ANKHD1: variants seen among roughly 807,000 people sequenced by gnomAD.
ANKHD1 encodes the protein ankyrin repeat and KH domain-containing protein 1.
A neutral mutation model predicts 230.5 loss-of-function variants in ANKHD1; 31 were observed. The ratio of observed to expected loss-of-function variants is 0.13; its 90% CI spans 0.10 to 0.18. The LOEUF (loss-of-function observed/expected upper bound fraction) is 0.18, where lower values mean the gene tolerates loss of function less well. ANKHD1 is among the 10% of genes least tolerant of loss of function. The pLI is 1.00. For missense variants in ANKHD1, 2,256 were observed against 3,071.3 expected (o/e 0.73, Z 6.27); for synonymous variants, 1,074 against 1,117.6 (o/e 0.96, Z 0.78).
chr5:140,409,128 C>T (rs1291043544), intron 1 of ANKHD1, among the ~76,000 whole-genome samples: 3 of 152,250 alleles, frequency 2.0e-5, no homozygotes, highest in African/African-American at 7.2e-5. Context: ...CCACTCTTGT[C>T]AGGAATGGTA....
chr5:140,522,854 T>C (rs1753414074), intron 24 of ANKHD1, among the ~76,000 whole-genome samples: 1 of 152,164 alleles, frequency 6.6e-6, no homozygotes, highest in East Asian at 1.9e-4. Context: ...TTTCTGATTG[T>C]AGCCATCCTA....
At chr5:140,428,120 C>T (rs969043484) in intron 1 of ANKHD1, among the ~76,000 whole-genome samples, 6 of 151,120 alleles carry the variant, frequency 4.0e-5, no homozygotes, top group South Asian at 2.1e-4. Flanking sequence ...GATGGGATGG[C>T]GGCTGGGCAG....
At chr5:140,436,539 G>C (rs531480553) in intron 2 of ANKHD1, among the ~76,000 whole-genome samples, 1 of 152,208 alleles carries the variant, frequency 6.6e-6, no homozygotes, top group African/African-American at 2.4e-5. Context: ...TGAGCTCGGA[G>C]TTCAAGACCA....
Position 140,401,857 on chromosome 5 carries a change from G to A in ANKHD1, c.-111G>A. The A allele has an allele frequency of 7.1e-7, 1 of 1,412,738 alleles. No homozygotes were observed. Among genetic ancestry groups the A allele is most frequent in the Admixed American group, 3.3e-5 (1 of 30,480 alleles). The allele number at this position is 1,412,738 out of a possible 1,614,324, so 87.5% of individuals were successfully genotyped here. A position where few individuals can be genotyped will look rare whatever the true frequency, so the allele number is the denominator to read the frequency against. On this transcript the variant is annotated 5_prime_UTR_variant, in exon 1 of 34. Coordinates refer to ENST00000360839, the MANE Select transcript of ANKHD1 (RefSeq NM_017747.3). ...CAGTGAGAAGTTAGTGGCGCTGCTG[G>A]GACGGGGGAAAGGAGACGCTTCTTC...
At chr5:140,453,333 C>T (rs1025146226) in intron 7 of ANKHD1, among the ~76,000 whole-genome samples, 8 of 152,110 alleles carry the variant, frequency 5.3e-5, no homozygotes, top group African/African-American at 9.7e-5. Context: ...GCAAGGCAGG[C>T]CAACATTCAA....
chr5:140,523,878 A>G (rs940660204), intron 24 of ANKHD1, among the ~76,000 whole-genome samples, 188 bp from the exon 25 acceptor site: 2 of 152,060 alleles, frequency 1.3e-5, no homozygotes, highest in African/African-American at 4.8e-5. Flanking sequence ...TACTTTCTTG[A>G]TGATTCCTTT....
At chr5:140,483,663 T>A (rs973127810) in intron 11 of ANKHD1, among the ~76,000 whole-genome samples, 1 of 151,882 alleles carries the variant, frequency 6.6e-6, no homozygotes, top group Non-Finnish European at 1.5e-5. Context: ...TACCATGGTT[T>A]GCCAGGCTGG....
intron 1 of ANKHD1, among the ~76,000 whole-genome samples, chr5:140,402,516 T>G (rs1057265953): frequency 4.6e-5 from 7 of 152,186 alleles, no homozygotes; most frequent in African/African-American, 1.7e-4. Context: ...GTCTCTGAGC[T>G]TCGCGCGGGA....
intron 1 of ANKHD1, among the ~76,000 whole-genome samples, chr5:140,428,053 ACGCTCCT>A: frequency 6.7e-6 from 1 of 150,046 alleles, no homozygotes; most frequent in Non-Finnish European, 1.5e-5. Context: ...CCGGGCAGAG[ACGCTCCT>A]CACTTCCTAG....
At chr5:140,467,575 A>T (rs1020702887) in intron 10 of ANKHD1, among the ~76,000 whole-genome samples, 1 of 152,226 alleles carries the variant, frequency 6.6e-6, no homozygotes, top group Non-Finnish European at 1.5e-5. Context: ...TGGGCAACAT[A>T]GTGAGACCCT....
chr5:140,513,806 CA>C (rs35403532), intron 24 of ANKHD1, among the ~76,000 whole-genome samples: 77,412 of 118,064 alleles, frequency 0.66, 23,617 homozygotes, highest in East Asian at 0.76. Flanking sequence ...GAGACTGTCT[CA>C]AAAAAAAAAA....
At chr5:140,463,526 T>G (rs1775867135) in intron 9 of ANKHD1, among the ~76,000 whole-genome samples, 1 of 152,152 alleles carries the variant, frequency 6.6e-6, no homozygotes, top group Non-Finnish European at 1.5e-5. Flanking sequence ...TCTCTAGGCT[T>G]TAGTTGGTCA....
rs1456212886 is a variant in ANKHD1 at position 140,528,720 on chromosome 5, C to T, written c.5774C>T (p.Ser1925Phe). ...NQNGTVLPSESAGLATASCPI... is the reference protein window; with the variant it reads ...NQNGTVLPSEFAGLATASCPI... ...AACGGGACTGTTTTACCCTCAGAGT[C>T]TGCTGGACTAGCTACTGCCAGTTGT... Residue 1925 changes from serine to phenylalanine, a missense_variant, in exon 29 of 34, where the codon TCT becomes TTT. By Grantham distance (155) the Ser-to-Phe change is radical. Coordinates refer to ENST00000360839, the MANE Select transcript of ANKHD1 (RefSeq NM_017747.3). 1.9e-6 allele frequency: 3 copies of T among 1,614,208 alleles called. No homozygotes were observed. Among genetic ancestry groups the T allele is most frequent in the African/African-American group, 1.3e-5 (1 of 75,056 alleles).
At position 140,485,035 on chromosome 5, in the gene ANKHD1, C is replaced by A; in HGVS notation, c.1871-86C>A. ...TATATTTTTTTGTATCTACATTATA[C>A]TTCACAAAAAATTTTTAAATGATAT... On this transcript the variant is annotated intron_variant, in intron 11 of 33. Coordinates refer to ENST00000360839, the MANE Select transcript of ANKHD1 (RefSeq NM_017747.3). This position sits in a 1 kb window ranked among gnomAD's most constrained non-coding sequence, Gnocchi z 4.8. The A allele has an allele frequency of 6.7e-7, 1 of 1,486,690 alleles. No homozygotes were observed. Among genetic ancestry groups the A allele is most frequent in the Non-Finnish European group, 9.0e-7 (1 of 1,112,342 alleles). 92.1% of individuals were successfully genotyped at this position (1,486,690 alleles called of 1,614,324 possible).
intron 10 of ANKHD1, among the ~76,000 whole-genome samples, chr5:140,468,526 T>C (rs574971045): frequency 6.6e-6 from 1 of 152,144 alleles, no homozygotes. Flanking sequence ...CCTCCCTTAA[T>C]AGAAAGAAAA....
chr5:140,424,617 G>T (rs988775069), intron 1 of ANKHD1, among the ~76,000 whole-genome samples: 1 of 152,188 alleles, frequency 6.6e-6, no homozygotes. Flanking sequence ...AAGAAATTTG[G>T]ATCCTTTACC....
chr5:140,472,421 C>T, intron 10 of ANKHD1: 1 of 1,412,818 alleles, frequency 7.1e-7, no homozygotes, highest in Non-Finnish European at 9.3e-7. Flanking sequence ...AAAGGAAATC[C>T]TCTTCAATTG....
At chr5:140,402,476 A>T (rs1287569907) in intron 1 of ANKHD1, among the ~76,000 whole-genome samples, 1 of 152,154 alleles carries the variant, frequency 6.6e-6, no homozygotes, top group Non-Finnish European at 1.5e-5. Context: ...TCCCGTCACC[A>T]TTCGTAGACC....
At chr5:140,474,947 T>G (rs1750882647) in intron 10 of ANKHD1, among the ~76,000 whole-genome samples, 1 of 152,184 alleles carries the variant, frequency 6.6e-6, no homozygotes, top group African/African-American at 2.4e-5. Context: ...ACTTTTTAAC[T>G]TTTTTATTAA....
Sources: gnomAD v4.1 joint callset for allele counts (sites outside exome capture counted in the v4.1 genomes callset) on GRCh38, gnomAD v4.1.1 for gene constraint, Gnocchi (gnomAD v3.1) non-coding constraint, MANE v1.5 for transcripts, NCBI Gene and HGNC (gene_info 2026-07-23, HGNC 2026-07-21) for gene names.